Variants in TONSL observed in about 807,000 individuals in gnomAD.
TONSL encodes the protein tonsoku-like protein.
Under a neutral mutation model 147.1 loss-of-function variants are expected in TONSL, and 112 were observed. The ratio of observed to expected loss-of-function variants is 0.76; its 90% CI spans 0.65 to 0.89. The LOEUF (loss-of-function observed/expected upper bound fraction) is 0.89, where lower values mean the gene tolerates loss of function less well. TONSL is among the 40% of genes least tolerant of loss of function. The probability of loss-of-function intolerance (pLI) is 0.00; values close to 1 mark genes in which losing one functional copy is unlikely to be tolerated. For synonymous variants in TONSL, 868 were observed against 801.5 expected, an observed-to-expected ratio of 1.08 and a Z score of -1.40; for missense variants, 1,883 against 1,864.6, an observed-to-expected ratio of 1.01 and a Z score of -0.18.
At chr8:144,438,251 G>A in intron 13 of TONSL, 3 of 594,762 alleles carry the variant, frequency 5.0e-6, no homozygotes, top group Non-Finnish European at 6.0e-6. Context: ...TGCCCAGGCT[G>A]GAGTGCAGTG....
chr8:144,441,976 C>G, intron 7 of TONSL, 61 bp downstream of exon 7: 1 of 1,498,476 alleles, frequency 6.7e-7, no homozygotes, highest in East Asian at 2.3e-5. Context: ...GGACTCCACC[C>G]CGCCCCCAGG....
rs1340730123 is a variant in TONSL, at chr8:144,436,762, G to A, written c.1885C>T (p.Arg629Ter). The change falls in exon 15 of 26, where the codon CGA becomes TGA. Residue 629 changes from arginine (R) to a stop codon, truncating the protein, a stop_gained. Coordinates refer to ENST00000409379, the MANE Select transcript of TONSL (RefSeq NM_013432.5). LOFTEE classifies it high-confidence loss of function. ...CTCTGCCCCACCAGGCTCACCTTTC[G>A]AGTGCGGAGGGTGACGGACGCCCCC... ...ERGASVTLRT[R>*]KGLSPLETLQ... 3 of 1,610,806 alleles carry A rather than the reference G, an allele frequency of 1.9e-6. No individual in the cohort carries two copies. The highest frequency in any genetic ancestry group is 1.7e-4 in the Middle Eastern group (1 of 6,060).
chr8:144,433,439 G>A lies in TONSL; in HGVS notation c.3559+149C>T, dbSNP rs1823302810. The A allele has an allele frequency of 1.5e-5, 12 of 776,412 alleles. No individual in the cohort carries two copies. In the South Asian group the frequency reaches 2.1e-4, roughly 13 times the overall value. 48.1% of individuals were successfully genotyped at this position (776,412 alleles called of 1,614,324 possible). On this transcript the variant is annotated intron_variant, in intron 22 of 25. Transcript: ENST00000409379. The stretch of plus-strand genomic sequence containing the variant: ...GGGCCAGGCTTTCCTGGAACTCTTG[G>A]CTCAAGCGATACTCCCGCCTCAGCC...
intron 4 of TONSL, 134 bp downstream of exon 4, chr8:144,443,004 C>T: frequency 1.6e-6 from 2 of 1,239,754 alleles, no homozygotes; most frequent in Non-Finnish European, 2.2e-6. Context: ...GCGGGGCATG[C>T]ACCCCTCACA....
intron 7 of TONSL, 22 bp from the exon 8 acceptor site, chr8:144,441,133 AG>A: frequency 6.2e-7 from 1 of 1,611,316 alleles, no homozygotes; most frequent in Non-Finnish European, 8.5e-7. Flanking sequence ...AGGTTCATGC[AG>A]GGGGGCAGCA....
At chr8:144,429,815 G>C (rs943974367) in intron 25 of TONSL, among the ~76,000 whole-genome samples, 5 of 152,152 alleles carry the variant, frequency 3.3e-5, no homozygotes, top group African/African-American at 9.7e-5. Flanking sequence ...AGGGGAGGGG[G>C]CACAGGAAGA....
chr8:144,436,655 C>T lies in TONSL; in HGVS notation c.1917G>A (p.Gln639=). 2 of 1,612,272 alleles carry T rather than the reference C, an allele frequency of 1.2e-6. No homozygotes were observed. The highest frequency in any genetic ancestry group is 1.7e-6 in the Non-Finnish European group (2 of 1,179,950). The change falls in exon 16 of 26, where the codon CAG becomes CAA. Residue 639 remains glutamine, a synonymous_variant. Transcript: ENST00000409379. ...RKGLSPLETL[Q]QWVKLYRRDL... ...CCCTGCGGTACAGCTTCACCCACTG[C>T]TGCAGCGTCTCCAGCGGGCTGAGGC...
intron 22 of TONSL, chr8:144,433,372 G>A (rs1053187356): frequency 2.3e-5 from 12 of 528,150 alleles, no homozygotes; most frequent in African/African-American, 5.9e-5. Context: ...CACTGCGCCC[G>A]GCCTAGACGC....
Position 144,434,207 on chromosome 8 carries a change from G to C in TONSL, c.3158C>G (p.Ala1053Gly). 1 of 1,577,756 alleles carries C rather than the reference G, an allele frequency of 6.3e-7. No homozygotes were observed. The highest frequency in any genetic ancestry group is 1.8e-4 in the Middle Eastern group (1 of 5,696). Reference protein sequence around the residue: ...LGLSFSACSLALDQAQLTPLL... With the variant: ...LGLSFSACSLGLDQAQLTPLL... ...GGGTGTAAGCTGGGCCTGGTCCAGGGCCAGGGAGCAGGCGCTGAACGAGAG... is the reference window on the plus strand; with the variant it reads ...GGGTGTAAGCTGGGCCTGGTCCAGGCCCAGGGAGCAGGCGCTGAACGAGAG... The change falls in exon 21 of 26, where the codon GCC becomes GGC. Residue 1053 changes from alanine to glycine, a missense_variant. Coordinates refer to ENST00000409379, the MANE Select transcript of TONSL (RefSeq NM_013432.5).
chr8:144,441,237 T>C, intron 7 of TONSL, 126 bp from the exon 8 acceptor site: 4 of 1,340,204 alleles, frequency 3.0e-6, no homozygotes, highest in Non-Finnish European at 1.0e-6. Context: ...CCTGTTGGTG[T>C]GGGGGTTAAT....
chr8:144,444,311 G>A (rs573000392), intron 1 of TONSL, 36 bp from the exon 2 acceptor site: 1 of 1,348,954 alleles, frequency 7.4e-7, no homozygotes, highest in African/African-American at 1.5e-5. Flanking sequence ...CCTCCGCGGC[G>A]GGGTCCGGGG....
At chr8:144,440,543 T>C in intron 9 of TONSL, 67 bp from the exon 10 acceptor site, 1 of 1,536,376 alleles carries the variant, frequency 6.5e-7, no homozygotes, top group East Asian at 2.3e-5. Context: ...CCAGTCAAGC[T>C]TCCCCGGCTG....
Position 144,430,449 on chromosome 8 carries a change from T to C in TONSL, c.3898A>G (p.Thr1300Ala). 1 of 1,612,462 alleles carries C rather than the reference T, an allele frequency of 6.2e-7. No homozygotes were observed. Among genetic ancestry groups the C allele is most frequent in the Non-Finnish European group, 8.5e-7 (1 of 1,179,288 alleles). ...AGGCCTTGGGGCCGCTTTTGGAGGG[T>C]GGACAGGAGCTCTTCCAAGCTGGCA... is the stretch of plus-strand genomic sequence containing the variant. ...SCASLEELLS[T>A]LQKRPQGLSF... The change falls in exon 25 of 26, where the codon ACC becomes GCC. Residue 1300 changes from threonine (T) to alanine (A), a missense_variant. Transcript: ENST00000409379.
In TONSL at chr8:144,434,870, G is replaced by A. The variant is rs867459869; in HGVS notation, c.3026C>T (p.Ser1009Leu). The change falls in exon 20 of 26, where the codon TCG becomes TTG. Residue 1009 changes from serine to leucine, a missense_variant. Physicochemically the swap from Ser to Leu is moderately radical, Grantham distance 145. Coordinates refer to ENST00000409379, the MANE Select transcript of TONSL (RefSeq NM_013432.5). ...SNDEVLAEVTSWDLPPLTDRY... is the reference protein window; with the variant it reads ...SNDEVLAEVTLWDLPPLTDRY... ...GTCAGTCAACGGGGGCAGGTCCCAC[G>A]AAGTCACCTCAGCCAACACCTGGAA... The A allele has an allele frequency of 1.1e-5, 18 of 1,613,276 alleles. 1 individual carries two copies. The highest frequency in any genetic ancestry group is 6.6e-5 in the South Asian group (6 of 91,090).
Position 144,442,660 on chromosome 8 carries a change from G to A in TONSL, c.578+17C>T. On this transcript the variant is annotated intron_variant, in intron 5 of 25. Coordinates refer to ENST00000409379, the MANE Select transcript of TONSL (RefSeq NM_013432.5). ...ACAAGGGACTCCACTCCCTCCTGGG[G>A]CGGGGCAGGGCCTTACTCCGCAAGG... The A allele has an allele frequency of 6.2e-7, 1 of 1,608,648 alleles. No individual in the cohort carries two copies. The highest frequency in any genetic ancestry group is 2.2e-5 in the East Asian group (1 of 44,852).
chr8:144,432,641 C>A, intron 22 of TONSL, 181 bp from the exon 23 acceptor site: 1 of 586,636 alleles, frequency 1.7e-6, no homozygotes, highest in Non-Finnish European at 2.7e-6. Context: ...GAGGGCGGGG[C>A]CAGACTTCCA....
At position 144,441,164 on chromosome 8, in the gene TONSL, C is replaced by T. The variant is rs533491132; in HGVS notation, c.866-53G>A. The T allele has an allele frequency of 5.6e-6, 9 of 1,595,378 alleles. No homozygotes were observed. In the South Asian group the frequency reaches 8.9e-5, roughly 16 times the overall value. On this transcript the variant is annotated intron_variant, in intron 7 of 25. Transcript: ENST00000409379. The stretch of plus-strand genomic sequence containing the variant: ...GCAGCACAGGGGGCCCTGACCCCAG[C>T]TCTACCACCTGCAAGCTGTGAGCCC...
rs139548582 is a variant in TONSL, at chr8:144,436,977, G to A, written c.1726+50C>T. ...GATGCCCCGCCAGGACTGACTCTTC[G>A]CCCCACGTGTCCACCAAGGTGCGCC... On this transcript the variant is annotated intron_variant, in intron 14 of 25. Coordinates refer to ENST00000409379, the MANE Select transcript of TONSL (RefSeq NM_013432.5). 5.1e-4 allele frequency: 821 copies of A among 1,612,756 alleles called. 6 individuals are homozygous for A. The African/African-American group carries it at 9.9e-3, about 19-fold the overall frequency.
At chr8:144,435,617 C>T (rs201793264) in intron 17 of TONSL, 41 bp downstream of exon 17, 108 of 1,577,746 alleles carry the variant, frequency 6.8e-5, no homozygotes, top group African/African-American at 9.4e-5. Flanking sequence ...CCTGCCTGCC[C>T]GGAGTGGGGA....
Sources: gnomAD v4.1 joint callset for allele counts (sites outside exome capture counted in the v4.1 genomes callset) on GRCh38, gnomAD v4.1.1 for gene constraint, MANE v1.5 for transcripts, NCBI Gene and HGNC (gene_info 2026-07-23, HGNC 2026-07-21) for gene names.